ARHGAP6: variants seen among roughly 807,000 people sequenced by gnomAD.
The protein encoded by ARHGAP6 is rho GTPase-activating protein 6.
A neutral mutation model predicts 55.7 loss-of-function variants in ARHGAP6; 16 were observed. The observed-to-expected ratio is 0.29, with a 90% confidence interval of 0.19 to 0.44. The LOEUF (loss-of-function observed/expected upper bound fraction) is 0.44. Ranked by LOEUF, ARHGAP6 falls within the 20% of genes least tolerant of loss-of-function variation. The probability of loss-of-function intolerance (pLI) is 1.00; values close to 1 mark genes in which losing one functional copy is unlikely to be tolerated. For synonymous variants in ARHGAP6, 382 were observed against 360.9 expected, an observed-to-expected ratio of 1.06 and a Z score of -0.66; for missense variants, 698 against 808.9, an observed-to-expected ratio of 0.86 and a Z score of 1.66.
chrX:11,569,423 T>A (rs767148093), intron 1 of ARHGAP6, among the ~76,000 whole-genome samples: 1 of 111,885 alleles, frequency 8.9e-6, no homozygotes, highest in Non-Finnish European at 1.9e-5. Flanking sequence ...GGGTGGCTAG[T>A]GCAGGTGCTG....
At chrX:11,637,480 TC>T (rs1449985946) in intron 1 of ARHGAP6, among the ~76,000 whole-genome samples, 1 of 111,852 alleles carries the variant, frequency 8.9e-6, no homozygotes, top group African/African-American at 3.2e-5. Context: ...TTTTCATTCC[TC>T]CTGTATTATT....
chrX:11,574,218 C>T (rs1444763504), intron 1 of ARHGAP6, among the ~76,000 whole-genome samples: 1 of 111,577 alleles, frequency 9.0e-6, no homozygotes, highest in East Asian at 2.8e-4. Flanking sequence ...CTCCCTAACT[C>T]ATTTTATGAG....
chrX:11,267,466 G>A (rs941328801), intron 1 of ARHGAP6, among the ~76,000 whole-genome samples: 3 of 112,093 alleles, frequency 2.7e-5, no homozygotes, highest in Non-Finnish European at 5.6e-5. Context: ...CATAAGTAAT[G>A]CGGCTGTCAT....
intron 1 of ARHGAP6, among the ~76,000 whole-genome samples, chrX:11,370,285 A>G (rs746935797): frequency 8.9e-6 from 1 of 112,661 alleles, no homozygotes; most frequent in Non-Finnish European, 1.9e-5. Flanking sequence ...TAGCCTTTCA[A>G]AAGTCACATA....
chrX:11,223,690 A>T (rs761027244), intron 2 of ARHGAP6, among the ~76,000 whole-genome samples: 2 of 112,027 alleles, frequency 1.8e-5, no homozygotes, highest in Non-Finnish European at 3.8e-5. Context: ...CTTTTAGAAA[A>T]TCATTGTTGT....
chrX:11,479,431 T>C (rs192841829), intron 1 of ARHGAP6, among the ~76,000 whole-genome samples: 1 of 111,920 alleles, frequency 8.9e-6, no homozygotes, highest in Admixed American at 9.5e-5. Context: ...AACAGGTCAT[T>C]GTATACATTC....
At chrX:11,372,054 A>G (rs2049149256) in intron 1 of ARHGAP6, among the ~76,000 whole-genome samples, 1 of 112,407 alleles carries the variant, frequency 8.9e-6, no homozygotes, top group Non-Finnish European at 1.9e-5. Context: ...ATAAATATCT[A>G]AAGTTGATAA....
chrX:11,473,065 C>T (rs113332742), intron 1 of ARHGAP6, among the ~76,000 whole-genome samples: 8 of 111,052 alleles, frequency 7.2e-5, no homozygotes, highest in African/African-American at 2.3e-4. Context: ...TTCTCACATC[C>T]GGTTTCCCTC....
intron 1 of ARHGAP6, among the ~76,000 whole-genome samples, chrX:11,431,718 C>A (rs1363011910): frequency 1.8e-5 from 2 of 112,280 alleles, no homozygotes; most frequent in African/African-American, 6.5e-5. Flanking sequence ...ATGGAAAAAT[C>A]AATAGCATAT....
chrX:11,241,101 T>C (rs188685729), intron 2 of ARHGAP6, among the ~76,000 whole-genome samples: 39 of 105,454 alleles, frequency 3.7e-4, no homozygotes, highest in Admixed American at 8.2e-4. Flanking sequence ...AAAAGCAATA[T>C]GAAGAAATGC....
chrX:11,608,731 C>T (rs2052065441), intron 1 of ARHGAP6, among the ~76,000 whole-genome samples: 1 of 111,673 alleles, frequency 9.0e-6, no homozygotes, highest in African/African-American at 3.3e-5. Flanking sequence ...TAGTAAGTCT[C>T]ACAAGATCTG....
intron 1 of ARHGAP6, among the ~76,000 whole-genome samples, chrX:11,274,819 C>T (rs1004220977): frequency 3.6e-5 from 4 of 110,990 alleles, no homozygotes; most frequent in Admixed American, 9.6e-5. Context: ...GTGTGTTGCT[C>T]CCCTTCCTGT....
At chrX:11,489,970 G>C (rs190787321) in intron 1 of ARHGAP6, among the ~76,000 whole-genome samples, 1 of 111,221 alleles carries the variant, frequency 9.0e-6, no homozygotes, top group Admixed American at 9.6e-5. Context: ...GTAGGAATTC[G>C]AAACCAGGCA....
At chrX:11,407,843 G>A (rs2049629678) in intron 1 of ARHGAP6, among the ~76,000 whole-genome samples, 2 of 111,369 alleles carry the variant, frequency 1.8e-5, no homozygotes, top group South Asian at 7.6e-4. Flanking sequence ...GGTGTGGGAT[G>A]ATATTCAAAG....
At chrX:11,242,633 T>C (rs2047298783) in intron 2 of ARHGAP6, among the ~76,000 whole-genome samples, 1 of 111,827 alleles carries the variant, frequency 8.9e-6, no homozygotes, top group African/African-American at 3.2e-5. Flanking sequence ...GAGACAGGAG[T>C]TTCCAAATAT....
At chrX:11,276,951 C>A (rs2047777202) in intron 1 of ARHGAP6, among the ~76,000 whole-genome samples, 1 of 111,435 alleles carries the variant, frequency 9.0e-6, no homozygotes, top group Admixed American at 9.6e-5. Context: ...TTAGTATACT[C>A]ATAGATAGTG....
rs1034812812 is a variant in ARHGAP6 at position 11,182,264 on chromosome X, T to C, written c.1274-146A>G. On this transcript the variant is annotated intron_variant, in intron 5 of 12. Transcript: ENST00000337414. ...AGCATACAGTAATGCTTCTTTCATC[T>C]CACACTATTTCTATTATCCAGATAC... The C allele has an allele frequency of 2.9e-5, 11 of 373,673 alleles. No individual in the cohort carries two copies. The East Asian group carries it at 4.7e-4, about 16-fold the overall frequency. The allele number at this position is 373,673 out of a possible 1,213,427, so 30.8% of individuals were successfully genotyped here.
chrX:11,355,184 G>GA (rs2048917022), intron 1 of ARHGAP6, among the ~76,000 whole-genome samples: 1 of 111,435 alleles, frequency 9.0e-6, no homozygotes, highest in African/African-American at 3.3e-5. Flanking sequence ...TGAGCTGCAT[G>GA]AAAAAAACTT....
At chrX:11,461,468 G>T (rs371994839) in intron 1 of ARHGAP6, among the ~76,000 whole-genome samples, 13 of 111,784 alleles carry the variant, frequency 1.2e-4, no homozygotes, top group African/African-American at 2.6e-4. Context: ...CCACACAAAG[G>T]GGGGAGCTAT....
Sources: gnomAD v4.1 joint callset for allele counts (sites outside exome capture counted in the v4.1 genomes callset) on GRCh38, gnomAD v4.1.1 for gene constraint, MANE v1.5 for transcripts, NCBI Gene and HGNC (gene_info 2026-07-23, HGNC 2026-07-21) for gene names.